The following INTS14 variants were observed in gnomAD, a reference collection of about 807,000 sequenced individuals.
INTS14 encodes integrator complex subunit 14, also known as UPF0464 protein C15orf44.
In INTS14, 27 loss-of-function variants were observed where a neutral mutation model predicts 56.9. That is an observed-to-expected ratio of 0.47 (90% CI 0.35 to 0.65). The LOEUF is 0.65. INTS14 is among the 30% of genes least tolerant of loss of function. The pLI is 0.00. For synonymous variants in INTS14, 207 were observed against 236.2 expected (o/e 0.88, Z 1.13); for missense variants, 517 against 632.2 (o/e 0.82, Z 1.95).
In INTS14 at chr15:65,579,195, A is replaced by ATT; in HGVS notation, c.*211_*212dup. ...CAGCAGCTATCTTCCAAGCTTAAAA[A>ATT]TTATGAATCCCAGGAAGTTAAAGCC... On this transcript the variant is annotated 3_prime_UTR_variant, in exon 12 of 12. Coordinates refer to ENST00000313182, the MANE Select transcript of INTS14 (RefSeq NM_001394796.1). 1 of 584,906 alleles carries ATT rather than the reference A, an allele frequency of 1.7e-6. No individual in the cohort carries two copies. Among genetic ancestry groups the ATT allele is most frequent in the Non-Finnish European group, 2.9e-6 (1 of 348,254 alleles). The allele number at this position is 584,906 out of a possible 1,614,324, so 36.2% of individuals were successfully genotyped here.
Position 65,593,433 on chromosome 15 carries a change from T to A in INTS14, c.981A>T (p.Gln327His), listed in dbSNP as rs372737592. The A allele has an allele frequency of 6.2e-7, 1 of 1,610,180 alleles. No individual in the cohort carries two copies. The highest frequency in any genetic ancestry group is 8.5e-7 in the Non-Finnish European group (1 of 1,178,468). The change falls in exon 8 of 12, where the codon CAA (glutamine) becomes CAT (histidine). Residue 327 changes from glutamine (Q) to histidine (H), a missense_variant. Physicochemically the swap from Gln to His is conservative, Grantham distance 24. Transcript: ENST00000313182. ...ATGTAAACAAAGTTTCCTACCCTAATTGAACAATCGCTACCATTCCTTCCA... is the reference window on the plus strand; with the variant it reads ...ATGTAAACAAAGTTTCCTACCCTAAATGAACAATCGCTACCATTCCTTCCA... ...LKVEGMVAIV[Q>H]LGPEWHGMLY...
chr15:65,602,102 T>C (rs903402989), intron 3 of INTS14, among the ~76,000 whole-genome samples: 2 of 152,024 alleles, frequency 1.3e-5, no homozygotes, highest in African/African-American at 4.8e-5. Context: ...TAGGGCGTGA[T>C]GGCACACTCC....
intron 11 of INTS14, among the ~76,000 whole-genome samples, chr15:65,580,439 A>T (rs1219957943): frequency 6.6e-6 from 1 of 152,186 alleles, no homozygotes; most frequent in Non-Finnish European, 1.5e-5. Context: ...TGTCATCATG[A>T]GTAAATAGCT....
At chr15:65,598,148 C>T (rs2073281229) in intron 6 of INTS14, among the ~76,000 whole-genome samples, 173 bp downstream of exon 6, 2 of 152,294 alleles carry the variant, frequency 1.3e-5, no homozygotes, top group African/African-American at 4.8e-5. Context: ...CCCAAAAAAT[C>T]TGAAATCTAA....
At chr15:65,604,730 CAAAAAA>C in intron 3 of INTS14, among the ~76,000 whole-genome samples, 1 of 62,536 alleles carries the variant, frequency 1.6e-5, no homozygotes, top group African/African-American at 5.1e-5. Flanking sequence ...ACCCTGTCTC[CAAAAAA>C]AAAAAAAAAA....
intron 1 of INTS14, chr15:65,610,838 T>C (rs899127934): frequency 2.3e-5 from 35 of 1,533,198 alleles, no homozygotes; most frequent in Non-Finnish European, 2.9e-5. Context: ...GAAGTCTCTC[T>C]TGGAAAGAGG....
chr15:65,609,777 C>T (rs762239783), intron 1 of INTS14, among the ~76,000 whole-genome samples: 5 of 152,238 alleles, frequency 3.3e-5, no homozygotes, highest in East Asian at 1.9e-4. Context: ...AGGAGTACTG[C>T]CCTCACCTCT....
chr15:65,601,731 G>T (rs2073441837), intron 3 of INTS14, among the ~76,000 whole-genome samples: 1 of 152,176 alleles, frequency 6.6e-6, no homozygotes, highest in Non-Finnish European at 1.5e-5. Context: ...AGGTCCCCTG[G>T]AAGGATGTCA....
chr15:65,605,544 TAAC>T lies in INTS14; in HGVS notation c.223-311_223-309del, dbSNP rs910694563. Among the ~76,000 whole-genome samples the T allele has an allele frequency of 4.2e-4, 64 of 152,202 alleles. 2 individuals carry two copies. The highest frequency in any genetic ancestry group is 3.9e-3 in the Admixed American group (60 of 15,274). On this transcript the variant is annotated intron_variant, in intron 2 of 11. Coordinates refer to ENST00000313182, the MANE Select transcript of INTS14 (RefSeq NM_001394796.1). ...ACTTTTAAACACATCACAAAAATAATAACAAAATCTATTGAATATTAACTATGT... is the reference window on the plus strand; with the variant it reads ...ACTTTTAAACACATCACAAAAATAATAAAATCTATTGAATATTAACTATGT...
At position 65,582,919 on chromosome 15, in the gene INTS14, T is replaced by C. The variant is rs114108960; in HGVS notation, c.1240-900A>G. On this transcript the variant is annotated intron_variant, in intron 10 of 11. Transcript: ENST00000313182. The stretch of plus-strand genomic sequence containing the variant: ...TACTTCTCCAAATAATATACACAAA[T>C]GGCCAATAAGCACAGGAAAAGATGC... Among the ~76,000 whole-genome samples the C allele has an allele frequency of 2.6e-3, 392 of 152,180 alleles. 1 individual carries two copies. Among genetic ancestry groups the C allele is most frequent in the African/African-American group, 9.1e-3 (378 of 41,500 alleles).
intron 9 of INTS14, chr15:65,586,745 G>A (rs2072839651): frequency 6.6e-6 from 1 of 152,050 alleles, no homozygotes; most frequent in Non-Finnish European, 1.5e-5. Context: ...TTAAAAATGG[G>A]AAAATGGGCA....
At chr15:65,601,305 C>T (rs967960628) in intron 3 of INTS14, among the ~76,000 whole-genome samples, 16 of 152,152 alleles carry the variant, frequency 1.1e-4, no homozygotes, top group Non-Finnish European at 1.8e-4. Flanking sequence ...TTTGCTCTCC[C>T]TAGCCTAGTC....
intron 7 of INTS14, 100 bp from the exon 8 acceptor site, chr15:65,593,672 T>C: frequency 7.2e-7 from 1 of 1,393,664 alleles, no homozygotes; most frequent in Non-Finnish European, 9.6e-7. Flanking sequence ...AGGGATAGTG[T>C]AGAGTTCTAA....
chr15:65,579,258 TAG>T lies in INTS14; in HGVS notation c.*148_*149del, dbSNP rs2072485523. On this transcript the variant is annotated 3_prime_UTR_variant, in exon 12 of 12. Coordinates refer to ENST00000313182, the MANE Select transcript of INTS14 (RefSeq NM_001394796.1). The stretch of plus-strand genomic sequence containing the variant: ...CACCTTCACATCCTTCTCATACTAG[TAG>T]AGTCATTCAAAACAGCAAGTGGTGC... The T allele has an allele frequency of 9.3e-7, 1 of 1,073,978 alleles. No homozygotes were observed. Among genetic ancestry groups the T allele is most frequent in the South Asian group, 1.6e-5 (1 of 63,022 alleles). 66.5% of individuals were successfully genotyped at this position (1,073,978 alleles called of 1,614,324 possible).
At position 65,598,469 on chromosome 15, in the gene INTS14, A is replaced by G. The variant is rs1344422523; in HGVS notation, c.606-6T>C. 2 of 1,612,464 alleles carry G rather than the reference A, an allele frequency of 1.2e-6. No homozygotes were observed. Among genetic ancestry groups the G allele is most frequent in the Admixed American group, 3.3e-5 (2 of 59,736 alleles). ...ATGCCAAATCTATCAGTTTTCTAGA[A>G]TATGATAATTAATAGTTATAGGAAG... On this transcript the variant is annotated splice_polypyrimidine_tract_variant and splice_region_variant and intron_variant, in intron 5 of 11. Transcript: ENST00000313182.
At chr15:65,592,029 G>A (rs1187070422) in intron 8 of INTS14, among the ~76,000 whole-genome samples, 4 of 152,246 alleles carry the variant, frequency 2.6e-5, no homozygotes, top group East Asian at 3.8e-4. Flanking sequence ...GAGAGGTGAT[G>A]AGGAGGGGTA....
At chr15:65,604,574 T>A (rs1379367397) in intron 3 of INTS14, among the ~76,000 whole-genome samples, 3 of 151,592 alleles carry the variant, frequency 2.0e-5, no homozygotes, top group African/African-American at 7.3e-5. Context: ...ACAAAAAATG[T>A]AAAAAATTAG....
chr15:65,581,676 T>C (rs962770150), intron 11 of INTS14, among the ~76,000 whole-genome samples: 10 of 151,790 alleles, frequency 6.6e-5, no homozygotes, highest in Non-Finnish European at 8.8e-5. Context: ...AGTTCAGGGC[T>C]ATGACCCACA....
chr15:65,602,433 C>T (rs565251045), intron 3 of INTS14, among the ~76,000 whole-genome samples: 74 of 151,778 alleles, frequency 4.9e-4, no homozygotes, highest in African/African-American at 1.6e-3. Context: ...TACAGATGAA[C>T]GACACCACAC....
Sources: gnomAD v4.1 joint callset for allele counts (sites outside exome capture counted in the v4.1 genomes callset) on GRCh38, gnomAD v4.1.1 for gene constraint, MANE v1.5 for transcripts, NCBI Gene and HGNC (gene_info 2026-07-23, HGNC 2026-07-21) for gene names.